Variants in CHST8 observed in about 807,000 individuals in gnomAD.
CHST8 encodes the protein GALNAC-4-ST1.
Under a neutral mutation model 15.0 loss-of-function variants are expected in CHST8, and 10 were observed. The ratio of observed to expected loss-of-function variants is 0.67; its 90% CI spans 0.41 to 1.13. The LOEUF is 1.13. CHST8 is among the 50% of genes most tolerant of loss of function. The pLI is 0.00. For missense variants in CHST8, 634 were observed against 608.2 expected (o/e 1.04, Z -0.45); for synonymous variants, 259 against 256.6 (o/e 1.01, Z -0.09).
chr19:33,743,431 A>G (rs2145344103), intron 3 of CHST8, among the ~76,000 whole-genome samples: 1 of 150,562 alleles, frequency 6.6e-6, no homozygotes, highest in African/African-American at 2.4e-5. Flanking sequence ...CCTCCCGAGT[A>G]GCTGGGACTA....
chr19:33,762,386 ACT>A (rs1264996483), intron 3 of CHST8, among the ~76,000 whole-genome samples: 1 of 152,074 alleles, frequency 6.6e-6, no homozygotes, highest in Non-Finnish European at 1.5e-5. Context: ...CTGATGCTCG[ACT>A]CTCTGACAGC....
At chr19:33,631,623 T>A (rs114319470) in intron 1 of CHST8, among the ~76,000 whole-genome samples, 106 of 152,332 alleles carry the variant, frequency 7.0e-4, no homozygotes, top group African/African-American at 2.5e-3. Flanking sequence ...TGGGGCCTCA[T>A]GAGGTTTGGC....
At position 33,653,205 on chromosome 19, in the gene CHST8, T is replaced by C. The variant is rs147999749; in HGVS notation, c.-163-14562T>C. 6.5e-3 allele frequency among the ~76,000 whole-genome samples: 989 copies of C among 152,298 alleles called. 5 individuals carry two copies. The highest frequency in any genetic ancestry group is 0.011 in the Non-Finnish European group (727 of 68,032). ...AGGCCTATGTAAACTCTCTTGGACA[T>C]TGTTCATTTAAATATTATTTTTCCC... On this transcript the variant is annotated intron_variant, in intron 1 of 4. Coordinates refer to ENST00000650847, the MANE Select transcript of CHST8 (RefSeq NM_001127895.2).
intron 3 of CHST8, among the ~76,000 whole-genome samples, chr19:33,695,827 T>C (rs1031591043): frequency 3.5e-5 from 5 of 141,464 alleles, no homozygotes; most frequent in Non-Finnish European, 7.6e-5. Flanking sequence ...CTTTCTTTTT[T>C]TTTTTTTTTT....
At chr19:33,771,309 G>C in intron 3 of CHST8, 104 bp from the exon 4 acceptor site, 1 of 1,142,310 alleles carries the variant, frequency 8.8e-7, no homozygotes, top group South Asian at 1.2e-5. Context: ...CCTACCCCAA[G>C]ATCCCTCCAG....
intron 4 of CHST8, 122 bp downstream of exon 4, chr19:33,771,572 T>C: frequency 1.0e-6 from 1 of 997,170 alleles, no homozygotes; most frequent in Non-Finnish European, 1.5e-6. Flanking sequence ...TGTCCAGCCT[T>C]TCCCAGGAGC....
chr19:33,769,202 C>T (rs7508052), intron 3 of CHST8, among the ~76,000 whole-genome samples: 77,681 of 152,120 alleles, frequency 0.51, 19,973 homozygotes, highest in Admixed American at 0.54. Flanking sequence ...GTCATGGCCT[C>T]AGGGGCTGCA....
chr19:33,717,722 G>T (rs900223151), intron 3 of CHST8, among the ~76,000 whole-genome samples: 32 of 152,268 alleles, frequency 2.1e-4, no homozygotes, highest in African/African-American at 7.7e-4. Flanking sequence ...GAGGTCCTAG[G>T]AGAAACCGAG....
intron 1 of CHST8, among the ~76,000 whole-genome samples, chr19:33,650,501 CTTTTTCTTTTTCTTTTCTTTTTTT>C (rs555929196): frequency 0.022 from 1,125 of 50,904 alleles, 41 homozygotes; most frequent in African/African-American, 0.066. Context: ...TTTTCTTTTT[CTTTTTCTTTTTCTTTTCTTTTTTT>C]TTTTTTTTTT....
chr19:33,632,338 A>G (rs1297077251), intron 1 of CHST8, among the ~76,000 whole-genome samples: 1 of 151,934 alleles, frequency 6.6e-6, no homozygotes, highest in Admixed American at 6.6e-5. Flanking sequence ...TATTTTTAGT[A>G]GAGAAAAGGT....
chr19:33,717,453 T>A (rs1357239591), intron 3 of CHST8, among the ~76,000 whole-genome samples: 1 of 151,754 alleles, frequency 6.6e-6, no homozygotes, highest in Non-Finnish European at 1.5e-5. Flanking sequence ...AGAGCGAGAC[T>A]CCATCTCAAA....
At chr19:33,657,549 G>A (rs1972527378) in intron 1 of CHST8, among the ~76,000 whole-genome samples, 1 of 151,786 alleles carries the variant, frequency 6.6e-6, no homozygotes. Flanking sequence ...TGGGATTACA[G>A]GCATAAGCCA....
chr19:33,647,044 A>G (rs1972363706), intron 1 of CHST8, among the ~76,000 whole-genome samples: 1 of 152,258 alleles, frequency 6.6e-6, no homozygotes, highest in Non-Finnish European at 1.5e-5. Context: ...GGAGTCAGCT[A>G]TCAGATTTCT....
At chr19:33,757,516 A>C (rs867022736) in intron 3 of CHST8, among the ~76,000 whole-genome samples, 2 of 43,424 alleles carry the variant, frequency 4.6e-5, no homozygotes, top group Non-Finnish European at 4.7e-5. Context: ...GAAAGAAAGA[A>C]AGAAAGAGAA....
At chr19:33,749,457 C>T (rs1263039358) in intron 3 of CHST8, among the ~76,000 whole-genome samples, 1 of 140,324 alleles carries the variant, frequency 7.1e-6, no homozygotes, top group Non-Finnish European at 1.5e-5. Context: ...CCCCACCATC[C>T]CCCCACCAAC....
At chr19:33,689,510 C>A (rs537265998) in intron 3 of CHST8, 119 bp downstream of exon 3, 12 of 1,214,158 alleles carry the variant, frequency 9.9e-6, no homozygotes, top group South Asian at 7.1e-5. Context: ...TGTGCCAAGA[C>A]CCCCGGCAGG....
At chr19:33,679,976 T>A (rs2145243306) in intron 2 of CHST8, among the ~76,000 whole-genome samples, 1 of 152,284 alleles carries the variant, frequency 6.6e-6, no homozygotes, top group African/African-American at 2.4e-5. Flanking sequence ...CAGCCCTATC[T>A]TCCTTCTGCA....
At chr19:33,726,109 G>T (rs766967883) in intron 3 of CHST8, among the ~76,000 whole-genome samples, 1 of 152,212 alleles carries the variant, frequency 6.6e-6, no homozygotes, top group African/African-American at 2.4e-5. Flanking sequence ...TTCAGCAACC[G>T]GGCAGAAGGC....
chr19:33,633,774 C>CGTGTGTGTGTGTGT (rs55655047), intron 1 of CHST8, among the ~76,000 whole-genome samples: 9 of 141,170 alleles, frequency 6.4e-5, no homozygotes, highest in East Asian at 2.1e-4. Flanking sequence ...TTTTCTTTTT[C>CGTGTGTGTGTGTGT]GTGTGTGTGT....
Sources: gnomAD v4.1 joint callset for allele counts (sites outside exome capture counted in the v4.1 genomes callset) on GRCh38, gnomAD v4.1.1 for gene constraint, MANE v1.5 for transcripts, NCBI Gene and HGNC (gene_info 2026-07-23, HGNC 2026-07-21) for gene names.